The following ZFHX4 variants were observed in gnomAD, a reference collection of about 807,000 sequenced individuals.
ZFHX4 encodes zinc finger homeobox 4.
In ZFHX4, 56 loss-of-function variants were observed where a neutral mutation model predicts 267.6. That is an observed-to-expected ratio of 0.21 (90% CI 0.17 to 0.26). The LOEUF (loss-of-function observed/expected upper bound fraction) is 0.26, where lower values mean the gene tolerates loss of function less well. ZFHX4 is among the 10% of genes least tolerant of loss of function. The pLI, the probability that ZFHX4 is intolerant of heterozygous loss-of-function variation, is 1.00. For synonymous variants in ZFHX4, 1,778 were observed against 1,665.6 expected (o/e 1.07, Z -1.64); for missense variants, 4,332 against 4,420.0 (o/e 0.98, Z 0.56).
chr8:76,723,053 T>C (rs714929), intron 3 of ZFHX4, among the ~76,000 whole-genome samples: 7,890 of 152,112 alleles, frequency 0.052, 426 homozygotes, highest in East Asian at 0.24. Flanking sequence ...TTCTTTTATG[T>C]TTTAACTTCA....
chr8:76,741,352 G>A (rs1809310485), intron 3 of ZFHX4, among the ~76,000 whole-genome samples: 1 of 152,156 alleles, frequency 6.6e-6, no homozygotes, highest in African/African-American at 2.4e-5. Context: ...AAAAACTACA[G>A]CTCTGTTAGG....
At chr8:76,844,575 C>T (rs942649677) in intron 6 of ZFHX4, among the ~76,000 whole-genome samples, 2 of 152,102 alleles carry the variant, frequency 1.3e-5, no homozygotes, top group Non-Finnish European at 2.9e-5. Flanking sequence ...AAGTAGTGGA[C>T]TCAATCACTC....
At position 76,780,526 on chromosome 8, in the gene ZFHX4, G is replaced by C. The variant is rs145920491; in HGVS notation, c.3325+2087G>C. Among the ~76,000 whole-genome samples, 416 of 152,218 alleles carry C rather than the reference G, an allele frequency of 2.7e-3. 2 individuals carry two copies. Among genetic ancestry groups the C allele is most frequent in the African/African-American group, 9.5e-3 (395 of 41,570 alleles). Reference sequence around the variant, plus strand: ...CTTGCTAATGCTTTTTGGTTTAGCAGTTTTTATTCATTAGAATGGAAATTT... The same window carrying C: ...CTTGCTAATGCTTTTTGGTTTAGCACTTTTTATTCATTAGAATGGAAATTT... On this transcript the variant is annotated intron_variant, in intron 4 of 10. Transcript: ENST00000651372.
chr8:76,781,566 C>T (rs1195204145), intron 4 of ZFHX4, among the ~76,000 whole-genome samples: 1 of 152,004 alleles, frequency 6.6e-6, no homozygotes, highest in Non-Finnish European at 1.5e-5. Context: ...ATTTTGTTGG[C>T]ATTGTGGATG....
chr8:76,689,065 T>C (rs1380108740), intron 1 of ZFHX4, among the ~76,000 whole-genome samples: 1 of 152,100 alleles, frequency 6.6e-6, no homozygotes, highest in Non-Finnish European at 1.5e-5. Context: ...ACTGGAGTCC[T>C]TTTTAAAATT....
Position 76,705,669 on chromosome 8 carries a change from G to T in ZFHX4, c.1581G>T (p.Ala527=). Residue 527 remains alanine (A), a synonymous_variant, in exon 2 of 11, where the codon GCG becomes GCT. Coordinates refer to ENST00000651372, the MANE Select transcript of ZFHX4 (RefSeq NM_024721.5). ...FIEKGTSSSS[A]TVSDDTEKKK... is the part of the protein sequence containing the mutation. ...AAAAGGGTACCTCGTCCTCCTCGGC[G>T]ACTGTTTCTGATGACACAGAAAAGA... 1 of 1,613,888 alleles carries T rather than the reference G, an allele frequency of 6.2e-7. No homozygotes were observed. Among genetic ancestry groups the T allele is most frequent in the Non-Finnish European group, 8.5e-7 (1 of 1,179,868 alleles).
In ZFHX4 at chr8:76,851,500, C is replaced by T. The variant is rs777590294; in HGVS notation, c.4579C>T (p.Pro1527Ser). 2.4e-5 allele frequency: 38 copies of T among 1,613,722 alleles called. 1 individual carries two copies. In the East Asian group the frequency reaches 6.9e-4, roughly 29 times the overall value. The change falls in exon 10 of 11, where the codon CCC becomes TCC. Residue 1527 changes from proline (P) to serine (S), a missense_variant. Around this residue, in one of 7 missense-constraint regions of ZFHX4, gnomAD observed 1,371 missense variants for 1,423.1 expected, o/e 0.96. Coordinates refer to ENST00000651372, the MANE Select transcript of ZFHX4 (RefSeq NM_024721.5). ...PKRTLPFRKG[P>S]NFTMEKFLDP... ...GCGGACCTTACCTTTTAGAAAAGGG[C>T]CCAATTTTACGATGGAAAAATTCCT... is the stretch of plus-strand genomic sequence containing the variant.
chr8:76,853,304 A>G lies in ZFHX4; in HGVS notation c.6383A>G (p.Gln2128Arg). 6.2e-7 allele frequency: 1 copy of G among 1,612,172 alleles called. No homozygotes were observed. The highest frequency in any genetic ancestry group is 1.1e-5 in the South Asian group (1 of 90,776). ...GLDPNFLRHS[Q>R]FKRPRTRITD... ...GATCCCAACTTCTTAAGACATTCTC[A>G]GTTCAAACGCCCACGGACAAGAATT... is the stretch of plus-strand genomic sequence containing the variant. The change falls in exon 10 of 11, where the codon CAG becomes CGG. Residue 2128 changes from glutamine to arginine, a missense_variant. This residue lies in a region of ZFHX4 where 1,371 missense variants were observed against 1,423.1 expected (regional missense o/e 0.96). Transcript: ENST00000651372.
At chr8:76,766,545 C>T (rs1473487431) in intron 3 of ZFHX4, among the ~76,000 whole-genome samples, 1 of 151,866 alleles carries the variant, frequency 6.6e-6, no homozygotes, top group Non-Finnish European at 1.5e-5. Flanking sequence ...ATTTTTGTGG[C>T]CTTGGGCTGC....
intron 4 of ZFHX4, among the ~76,000 whole-genome samples, chr8:76,792,732 T>C (rs1320383994): frequency 6.6e-6 from 1 of 152,202 alleles, no homozygotes. Flanking sequence ...CTGTATTGTC[T>C]ACTGGTTCTT....
intron 4 of ZFHX4, among the ~76,000 whole-genome samples, chr8:76,805,354 G>A (rs1811218873): frequency 6.6e-6 from 1 of 151,944 alleles, no homozygotes; most frequent in Non-Finnish European, 1.5e-5. Flanking sequence ...AAGGATAAAG[G>A]GAAAAATGCA....
chr8:76,795,591 G>A lies in ZFHX4; in HGVS notation c.3325+17152G>A, dbSNP rs183888274. 2.8e-5 allele frequency among the ~76,000 whole-genome samples: 4 copies of A among 142,068 alleles called. No homozygotes were observed. In the East Asian group the frequency reaches 8.2e-4, roughly 29 times the overall value. 93.2% of individuals were successfully genotyped at this position (142,068 alleles called of 152,430 possible). On this transcript the variant is annotated intron_variant, in intron 4 of 10. Transcript: ENST00000651372. Reference sequence around the variant, plus strand: ...GACGGAGTTTCGCTCTTATTGCCCAGGCTGGAGTGCAATGGCACGATCTCA... The same window carrying A: ...GACGGAGTTTCGCTCTTATTGCCCAAGCTGGAGTGCAATGGCACGATCTCA...
chr8:76,854,847 C>A lies in ZFHX4; in HGVS notation c.7926C>A (p.Val2642=), dbSNP rs765038614. The change falls in exon 10 of 11, where the codon GTC becomes GTA. Residue 2642 remains valine (V), a synonymous_variant. Transcript: ENST00000651372. ...TGCTTGATCATATTGCCCGCGAAGT[C>A]GGGCTGAAAAAAAGGGTCGTGCAAG... The part of the protein sequence containing the change: ...RKMLDHIARE[V]GLKKRVVQVW... 1.6e-5 allele frequency: 26 copies of A among 1,608,558 alleles called. No individual in the cohort carries two copies. The Admixed American group carries it at 4.3e-4, about 26-fold the overall frequency.
rs1228195149 is a variant in ZFHX4, at chr8:76,704,221, A to G, written c.133A>G (p.Ser45Gly). 2.5e-6 allele frequency: 4 copies of G among 1,614,042 alleles called. No individual in the cohort carries two copies. The highest frequency in any genetic ancestry group is 3.4e-6 in the Non-Finnish European group (4 of 1,179,898). The change falls in exon 2 of 11, where the codon AGC becomes GGC. Residue 45 changes from serine to glycine, a missense_variant. Ser to Gly is a moderately conservative substitution (Grantham distance 56). This residue lies in a region of ZFHX4 where 1,195 missense variants were observed against 1,173.6 expected (regional missense o/e 1.02). Transcript: ENST00000651372. The stretch of plus-strand genomic sequence containing the variant: ...AGGGATGGAGCCTGACAGGGAAAAC[A>G]GCTCCACAGATGACAACCTGAAAAC... The part of the protein sequence containing the change: ...VAGMEPDREN[S>G]STDDNLKTDE...
At chr8:76,815,338 A>G (rs1194620123) in intron 4 of ZFHX4, among the ~76,000 whole-genome samples, 4 of 152,164 alleles carry the variant, frequency 2.6e-5, no homozygotes, top group African/African-American at 9.7e-5. Context: ...CTTATAAACA[A>G]CAGGTGTTTG....
At chr8:76,742,539 T>C (rs1809347669) in intron 3 of ZFHX4, among the ~76,000 whole-genome samples, 1 of 152,170 alleles carries the variant, frequency 6.6e-6, no homozygotes, top group African/African-American at 2.4e-5. Flanking sequence ...GTTCATTTAA[T>C]GCATAACTCA....
At chr8:76,742,606 T>C (rs1037761574) in intron 3 of ZFHX4, among the ~76,000 whole-genome samples, 2 of 152,204 alleles carry the variant, frequency 1.3e-5, no homozygotes, top group Non-Finnish European at 1.5e-5. Context: ...AAAGGGATAA[T>C]TTTAGACTTT....
chr8:76,725,560 A>G (rs1808829731), intron 3 of ZFHX4, among the ~76,000 whole-genome samples: 1 of 152,148 alleles, frequency 6.6e-6, no homozygotes, highest in Non-Finnish European at 1.5e-5. Flanking sequence ...TGGTTTAAAA[A>G]AAATCAAACC....
At chr8:76,827,900 G>C (rs1811828764) in intron 4 of ZFHX4, among the ~76,000 whole-genome samples, 1 of 152,188 alleles carries the variant, frequency 6.6e-6, no homozygotes, top group Non-Finnish European at 1.5e-5. Flanking sequence ...ATTGACACTG[G>C]AGCATCCAAT....
Sources: allele counts gnomAD v4.1 joint callset (sites outside exome capture counted in the v4.1 genomes callset), GRCh38; gene constraint gnomAD v4.1.1; regional missense constraint gnomAD v4.1.1; transcripts MANE v1.5; gene names NCBI Gene and HGNC (gene_info 2026-07-23, HGNC 2026-07-21).